The following CADM2 variants were observed in gnomAD, a reference collection of about 807,000 sequenced individuals.
CADM2 encodes the protein cell adhesion molecule 2.
In CADM2, 12 loss-of-function variants were observed where a neutral mutation model predicts 49.8. The ratio of observed to expected loss-of-function variants is 0.24; its 90% CI spans 0.15 to 0.39. CADM2 has a LOEUF of 0.39. Ranked by LOEUF, CADM2 falls within the 10% of genes least tolerant of loss-of-function variation. The pLI is 1.00. For missense variants in CADM2, 378 were observed against 492.3 expected (o/e 0.77, Z 2.20); for synonymous variants, 214 against 175.4 (o/e 1.22, Z -1.74).
chr3:85,869,014 C>T (rs1433660312), intron 3 of CADM2, among the ~76,000 whole-genome samples: 4 of 151,812 alleles, frequency 2.6e-5, no homozygotes, highest in Non-Finnish European at 5.9e-5. Context: ...AGGATTTAAA[C>T]ATTTTTATTA....
At chr3:85,208,216 C>T (rs1051591275) in intron 1 of CADM2, among the ~76,000 whole-genome samples, 3 of 152,012 alleles carry the variant, frequency 2.0e-5, no homozygotes, top group Non-Finnish European at 2.9e-5. Context: ...TAGGTTAATT[C>T]GCAGACCTCA....
rs139330773 is a variant in CADM2, at chr3:85,312,262, A to G, written c.61+352594A>G. Among the ~76,000 whole-genome samples, 1,095 of 152,260 alleles carry G rather than the reference A, an allele frequency of 7.2e-3. 2 individuals are homozygous for G. Among genetic ancestry groups the G allele is most frequent in the Non-Finnish European group, 0.012 (795 of 68,004 alleles). The stretch of plus-strand genomic sequence containing the variant: ...ATGAATTAATTATGATAATAATTTT[A>G]AAAGATTAATAAAGTAATTTAAAAT... On this transcript the variant is annotated intron_variant, in intron 1 of 9. Coordinates refer to ENST00000383699, the MANE Select transcript of CADM2 (RefSeq NM_001167675.2).
intron 1 of CADM2, among the ~76,000 whole-genome samples, chr3:85,194,243 G>A (rs1381389737): frequency 6.6e-6 from 1 of 152,110 alleles, no homozygotes; most frequent in Admixed American, 6.6e-5. Flanking sequence ...ACCAGAGAGA[G>A]TGTGGGGCAG....
chr3:85,144,732 A>G (rs1243477025), intron 1 of CADM2, among the ~76,000 whole-genome samples: 1 of 152,186 alleles, frequency 6.6e-6, no homozygotes, highest in African/African-American at 2.4e-5. Flanking sequence ...CTTGAAAAGG[A>G]GTTCAAGATA....
intron 1 of CADM2, among the ~76,000 whole-genome samples, chr3:85,723,578 T>C (rs1187905568): frequency 6.6e-6 from 1 of 152,142 alleles, no homozygotes; most frequent in African/African-American, 2.4e-5. Context: ...TAGTATTAGC[T>C]GCCGGCATAC....
At chr3:84,963,784 C>G (rs369612976) in intron 1 of CADM2, among the ~76,000 whole-genome samples, 10 of 152,140 alleles carry the variant, frequency 6.6e-5, no homozygotes, top group Non-Finnish European at 1.3e-4. Flanking sequence ...GAAATACTTA[C>G]GCTTCCTAAA....
intron 8 of CADM2, among the ~76,000 whole-genome samples, chr3:86,026,961 C>A (rs567219494): frequency 6.6e-6 from 1 of 151,952 alleles, no homozygotes; most frequent in East Asian, 1.9e-4. Flanking sequence ...AGTGAGAATG[C>A]CTTTCAAAAG....
chr3:85,562,160 GT>G (rs1276527955), intron 1 of CADM2, among the ~76,000 whole-genome samples: 7 of 152,062 alleles, frequency 4.6e-5, no homozygotes, highest in African/African-American at 1.7e-4. Context: ...GAATCAAAAA[GT>G]TTTGTGAATC....
intron 3 of CADM2, among the ~76,000 whole-genome samples, chr3:85,821,824 A>G (rs2073593047): frequency 6.6e-6 from 1 of 152,200 alleles, no homozygotes; most frequent in Non-Finnish European, 1.5e-5. Flanking sequence ...AAACAAAATA[A>G]TAAGGCATTC....
chr3:85,642,209 T>C (rs2064741524), intron 1 of CADM2, among the ~76,000 whole-genome samples: 1 of 152,142 alleles, frequency 6.6e-6, no homozygotes, highest in East Asian at 1.9e-4. Context: ...CAGTTTTGAG[T>C]AAACTAGTTA....
At chr3:85,406,929 G>A (rs199846171) in intron 1 of CADM2, among the ~76,000 whole-genome samples, 1 of 152,048 alleles carries the variant, frequency 6.6e-6, no homozygotes, top group East Asian at 1.9e-4. Context: ...GGGTACAGTG[G>A]TCATGCCCGT....
intron 1 of CADM2, among the ~76,000 whole-genome samples, chr3:85,503,621 C>A (rs1225381133): frequency 6.6e-6 from 1 of 152,140 alleles, no homozygotes; most frequent in Admixed American, 6.5e-5. Context: ...ACTGTCAACA[C>A]CGTATTGTAT....
At chr3:85,740,985 T>C (rs1014241905) in intron 2 of CADM2, among the ~76,000 whole-genome samples, 1 of 152,176 alleles carries the variant, frequency 6.6e-6, no homozygotes, top group Non-Finnish European at 1.5e-5. Flanking sequence ...GGACAACAAT[T>C]CTCTTTCTTT....
chr3:85,958,923 C>T (rs1350833340), intron 7 of CADM2, among the ~76,000 whole-genome samples: 1 of 150,780 alleles, frequency 6.6e-6, no homozygotes, highest in Non-Finnish European at 1.5e-5. Flanking sequence ...GGGGAGGGAA[C>T]CTAGATGATG....
chr3:85,217,233 A>G (rs1408824028), intron 1 of CADM2, among the ~76,000 whole-genome samples: 20 of 151,814 alleles, frequency 1.3e-4, no homozygotes, highest in Admixed American at 1.3e-3. Context: ...ATATAATTAT[A>G]AAATTGTTTT....
At chr3:85,582,591 A>G (rs150589479) in intron 1 of CADM2, among the ~76,000 whole-genome samples, 251 of 152,224 alleles carry the variant, frequency 1.6e-3, no homozygotes, top group Non-Finnish European at 2.9e-3. Flanking sequence ...AGATGGAGAG[A>G]GAGCAAACTC....
intron 1 of CADM2, among the ~76,000 whole-genome samples, chr3:85,426,517 A>T (rs2036414171): frequency 6.6e-6 from 1 of 152,146 alleles, no homozygotes; most frequent in Non-Finnish European, 1.5e-5. Context: ...CCGTAGGTGT[A>T]TATATTTACG....
intron 2 of CADM2, among the ~76,000 whole-genome samples, chr3:85,777,641 T>C (rs1262235069): frequency 6.6e-6 from 1 of 152,214 alleles, no homozygotes; most frequent in Non-Finnish European, 1.5e-5. Flanking sequence ...TACCTCTTAC[T>C]CTTTCTCATT....
intron 1 of CADM2, among the ~76,000 whole-genome samples, chr3:85,687,430 T>C (rs1265434072): frequency 1.3e-5 from 2 of 151,904 alleles, no homozygotes; most frequent in Non-Finnish European, 2.9e-5. Context: ...AAAACGATGA[T>C]GAAATGAAAG....
Sources: gnomAD v4.1 joint callset for allele counts (sites outside exome capture counted in the v4.1 genomes callset) on GRCh38, gnomAD v4.1.1 for gene constraint, MANE v1.5 for transcripts, NCBI Gene and HGNC (gene_info 2026-07-23, HGNC 2026-07-21) for gene names.